CASD1: variants seen among roughly 807,000 people sequenced by gnomAD.
The protein encoded by CASD1 is CAS1 domain sialic acid O acetyltransferase 1.
A neutral mutation model predicts 100.0 loss-of-function variants in CASD1; 41 were observed. The observed-to-expected ratio is 0.41, with a 90% CI of 0.32 to 0.53. The LOEUF is 0.53. Among genes scored for constraint, CASD1 ranks in the 20% least tolerant of loss-of-function variants. CASD1 has a pLI of 0.25. For missense variants in CASD1, 774 were observed against 948.7 expected, an observed-to-expected ratio of 0.82 and a Z score of 2.42; for synonymous variants, 321 against 315.6, an observed-to-expected ratio of 1.02 and a Z score of -0.18.
At chr7:94,586,782 G>C in the CASD1 span, 5 of 966,796 alleles carry the variant, frequency 5.2e-6, no homozygotes, top group Non-Finnish European at 6.1e-6. Context: ...GATTACAGGT[G>C]TGAGCCACCG....
chr7:94,526,516 G>C (rs935359857), intron 3 of CASD1, among the ~76,000 whole-genome samples: 1 of 152,220 alleles, frequency 6.6e-6, no homozygotes, highest in Non-Finnish European at 1.5e-5. Flanking sequence ...TGCTGGGCAC[G>C]GTGGCACATG....
chr7:94,546,222 C>G (rs553969542), intron 12 of CASD1, among the ~76,000 whole-genome samples: 1 of 151,890 alleles, frequency 6.6e-6, no homozygotes. Flanking sequence ...CAGTTATTAT[C>G]AACCTGTTTT....
At chr7:94,543,051 A>G (rs907971221) in intron 10 of CASD1, among the ~76,000 whole-genome samples, 4 of 152,206 alleles carry the variant, frequency 2.6e-5, no homozygotes, top group Non-Finnish European at 5.9e-5. Context: ...TAGGATTTGA[A>G]TAAGCAAAAT....
downstream of CASD1, among the ~76,000 whole-genome samples, chr7:94,558,251 T>G (rs1410141883): frequency 6.6e-6 from 1 of 152,206 alleles, no homozygotes; most frequent in Non-Finnish European, 1.5e-5. Flanking sequence ...CTCGAATGAC[T>G]TTATACTAAA....
the CASD1 span, among the ~76,000 whole-genome samples, chr7:94,606,655 A>G: frequency 6.6e-6 from 1 of 152,200 alleles, no homozygotes; most frequent in Non-Finnish European, 1.5e-5. Flanking sequence ...AGACTACTTC[A>G]TCCAAAAATA....
chr7:94,517,440 G>A lies in CASD1; in HGVS notation c.134-120G>A, dbSNP rs529158023. The A allele has an allele frequency of 3.2e-5, 18 of 568,702 alleles. No homozygotes were observed. In the East Asian group the frequency reaches 3.7e-4, roughly 12 times the overall value. The allele number at this position is 568,702 out of a possible 1,614,324, so 35.2% of individuals were successfully genotyped here. ...ATGAGTGGGAACTGTGAACCTGGGC[G>A]GTACAGTGAAACAGAGAAAACTCTA... On this transcript the variant is annotated intron_variant, in intron 1 of 17. Coordinates refer to ENST00000297273, the MANE Select transcript of CASD1 (RefSeq NM_022900.5).
chr7:94,628,592 A>C, the CASD1 span: 1 of 502,766 alleles, frequency 2.0e-6, no homozygotes, highest in Non-Finnish European at 3.6e-6. Context: ...AGATTCATAC[A>C]ATTTTCTTGG....
At chr7:94,600,777 T>G in the CASD1 span, 1 of 1,613,500 alleles carries the variant, frequency 6.2e-7, no homozygotes, top group Admixed American at 1.7e-5. Flanking sequence ...CAGAAGGGGG[T>G]TTGTATTCTC....
intron 5 of CASD1, among the ~76,000 whole-genome samples, chr7:94,531,233 T>A (rs890852117): frequency 2.0e-5 from 3 of 151,586 alleles, no homozygotes; most frequent in Non-Finnish European, 4.4e-5. Flanking sequence ...ACTATGAGAG[T>A]TGGAGGACAT....
chr7:94,535,600 G>A, intron 8 of CASD1, 77 bp downstream of exon 8: 1 of 1,020,852 alleles, frequency 9.8e-7, no homozygotes, highest in Non-Finnish European at 1.5e-6. Flanking sequence ...TTATAACATG[G>A]TTATAAATAA....
At chr7:94,538,862 C>CATT in intron 9 of CASD1, 105 bp from the exon 10 acceptor site, 1 of 489,406 alleles carries the variant, frequency 2.0e-6, no homozygotes. Flanking sequence ...TTGACAGAAG[C>CATT]ATTAGCTTTA....
At chr7:94,604,856 T>TATATAA in the CASD1 span, among the ~76,000 whole-genome samples, 1 of 86,290 alleles carries the variant, frequency 1.2e-5, no homozygotes, top group African/African-American at 5.1e-5. Context: ...TATATATATA[T>TATATAA]ATAATAGTTG....
At chr7:94,565,174 G>A in the CASD1 span, among the ~76,000 whole-genome samples, 1 of 151,880 alleles carries the variant, frequency 6.6e-6, no homozygotes, top group Non-Finnish European at 1.5e-5. Flanking sequence ...AAGCAACTCT[G>A]ACACTTATGT....
At chr7:94,582,548 T>G in the CASD1 span, among the ~76,000 whole-genome samples, 2 of 152,230 alleles carry the variant, frequency 1.3e-5, no homozygotes, top group Non-Finnish European at 2.9e-5. Flanking sequence ...ATGCTGGATA[T>G]TAGACCTTTG....
chr7:94,590,136 A>G, the CASD1 span: 1 of 152,030 alleles, frequency 6.6e-6, no homozygotes, highest in African/African-American at 2.4e-5. Context: ...CCAACAACCA[A>G]CTACCATGTC....
At chr7:94,611,531 G>T in the CASD1 span, among the ~76,000 whole-genome samples, 2 of 152,206 alleles carry the variant, frequency 1.3e-5, no homozygotes, top group East Asian at 1.9e-4. Flanking sequence ...GGGTGGGTGT[G>T]TGGTGTTGGG....
At chr7:94,619,632 C>T in the CASD1 span, 7 of 152,086 alleles carry the variant, frequency 4.6e-5, no homozygotes, top group Non-Finnish European at 7.3e-5. Flanking sequence ...TGTTCTCTTA[C>T]GATAAATAAT....
At chr7:94,620,527 T>C in the CASD1 span, 10 of 152,262 alleles carry the variant, frequency 6.6e-5, no homozygotes, top group Admixed American at 3.3e-4. Flanking sequence ...TACCTAGAAA[T>C]AGTCATGCAG....
the CASD1 span, among the ~76,000 whole-genome samples, chr7:94,592,476 G>T: frequency 6.6e-6 from 1 of 152,082 alleles, no homozygotes; most frequent in Non-Finnish European, 1.5e-5. Flanking sequence ...TAAGTGAAAA[G>T]TTATTATGTG....
Sources: gnomAD v4.1 joint callset for allele counts (sites outside exome capture counted in the v4.1 genomes callset) on GRCh38, gnomAD v4.1.1 for gene constraint, MANE v1.5 for transcripts, NCBI Gene and HGNC (gene_info 2026-07-23, HGNC 2026-07-21) for gene names.